Variants in CCBE1 observed in about 807,000 individuals in gnomAD.
CCBE1 encodes the protein collagen and calcium-binding EGF domain-containing protein 1.
Under a neutral mutation model 50.0 loss-of-function variants are expected in CCBE1, and 37 were observed. That is an observed-to-expected ratio of 0.74 (90% CI 0.57 to 0.97). The LOEUF is 0.97. Among genes scored for constraint, CCBE1 ranks in the 50% least tolerant of loss-of-function variants. CCBE1 has a pLI of 0.00. For synonymous variants in CCBE1, 234 were observed against 203.7 expected (o/e 1.15, Z -1.27); for missense variants, 538 against 523.8 (o/e 1.03, Z -0.26).
intron 2 of CCBE1, among the ~76,000 whole-genome samples, chr18:59,551,520 C>T (rs1915929746): frequency 6.6e-6 from 1 of 152,190 alleles, no homozygotes; most frequent in African/African-American, 2.4e-5. Context: ...TATATCATCA[C>T]TAGCTTGATA....
intron 2 of CCBE1, among the ~76,000 whole-genome samples, chr18:59,674,784 T>C (rs948497636): frequency 6.6e-6 from 1 of 152,210 alleles, no homozygotes; most frequent in African/African-American, 2.4e-5. Flanking sequence ...TCTTGTGTAA[T>C]CCACAACTTT....
At chr18:59,592,177 T>TC (rs756035862) in intron 2 of CCBE1, among the ~76,000 whole-genome samples, 4 of 152,168 alleles carry the variant, frequency 2.6e-5, no homozygotes, top group Admixed American at 6.5e-5. Context: ...TGAGCTATTA[T>TC]CCTGCCTGTG....
intron 2 of CCBE1, among the ~76,000 whole-genome samples, chr18:59,649,246 G>T (rs1011150475): frequency 6.6e-6 from 1 of 152,158 alleles, no homozygotes; most frequent in Non-Finnish European, 1.5e-5. Context: ...TCTGGTTGTT[G>T]TACCTCTGGG....
intron 2 of CCBE1, among the ~76,000 whole-genome samples, chr18:59,655,757 G>A (rs749093996): frequency 6.6e-6 from 1 of 152,156 alleles, no homozygotes; most frequent in East Asian, 1.9e-4. Flanking sequence ...GCTACGGAGG[G>A]CCCACTGACA....
chr18:59,592,915 A>T (rs1488117754), intron 2 of CCBE1, among the ~76,000 whole-genome samples: 2 of 151,666 alleles, frequency 1.3e-5, no homozygotes, highest in African/African-American at 2.4e-5. Context: ...TTTAAAAATA[A>T]AAAAAAAGGA....
At chr18:59,441,920 G>C (rs543206639) in intron 7 of CCBE1, among the ~76,000 whole-genome samples, 10 of 152,250 alleles carry the variant, frequency 6.6e-5, no homozygotes, top group African/African-American at 2.4e-4. Flanking sequence ...CCCTACAGTG[G>C]CTCCCCTCTG....
chr18:59,523,922 T>G (rs1008578289), intron 2 of CCBE1, among the ~76,000 whole-genome samples: 1 of 152,226 alleles, frequency 6.6e-6, no homozygotes, highest in Non-Finnish European at 1.5e-5. Context: ...ATGTATTTGA[T>G]TTAAAGAAAT....
In CCBE1 at chr18:59,439,683, G is replaced by T; in HGVS notation, c.909C>A (p.Gly303=). Residue 303 remains glycine (G), a synonymous_variant, in exon 8 of 11, where the codon GGC becomes GGA. Transcript: ENST00000439986. ...DLSHIKQGRR[G]PVGPPGAPGR... ...TCTCTGATAAGATACTGACCACAGG[G>T]CCCCTCCGGCCTTGCTTAATGTGGG... is the stretch of plus-strand genomic sequence containing the variant. 1 of 1,614,216 alleles carries T rather than the reference G, an allele frequency of 6.2e-7. No individual in the cohort carries two copies. Among genetic ancestry groups the T allele is most frequent in the Non-Finnish European group, 8.5e-7 (1 of 1,180,038 alleles).
chr18:59,635,652 G>T (rs2053906304), intron 2 of CCBE1, among the ~76,000 whole-genome samples: 1 of 151,896 alleles, frequency 6.6e-6, no homozygotes, highest in Non-Finnish European at 1.5e-5. Flanking sequence ...ACATGAAGGT[G>T]ATTGTTCACC....
intron 4 of CCBE1, 60 bp from the exon 5 acceptor site, chr18:59,466,951 G>A: frequency 6.9e-7 from 1 of 1,439,016 alleles, no homozygotes; most frequent in Non-Finnish European, 9.7e-7. Context: ...TAATACAACA[G>A]ATGACATTGG....
At chr18:59,565,354 T>C (rs531708345) in intron 2 of CCBE1, among the ~76,000 whole-genome samples, 116 of 101,814 alleles carry the variant, frequency 1.1e-3, no homozygotes, top group Non-Finnish European at 1.7e-3. Context: ...TGGCCCTCAA[T>C]GAAGAGCATC....
At chr18:59,696,413 C>G in intron 2 of CCBE1, 1 of 1,261,066 alleles carries the variant, frequency 7.9e-7, no homozygotes, top group Non-Finnish European at 1.1e-6. Context: ...GATCTCAGGG[C>G]ACACACCCTA....
At chr18:59,458,354 A>C (rs1008889678) in intron 5 of CCBE1, among the ~76,000 whole-genome samples, 2 of 152,132 alleles carry the variant, frequency 1.3e-5, no homozygotes, top group Admixed American at 1.3e-4. Flanking sequence ...TTTTCAATTC[A>C]CCTTTAAGAA....
chr18:59,577,286 G>T (rs1286597503), intron 2 of CCBE1, among the ~76,000 whole-genome samples: 1 of 152,218 alleles, frequency 6.6e-6, no homozygotes, highest in Non-Finnish European at 1.5e-5. Context: ...CTCAGAGGCT[G>T]CTCTAGGTCT....
intron 2 of CCBE1, among the ~76,000 whole-genome samples, chr18:59,694,026 CA>C (rs2054772674): frequency 6.6e-6 from 1 of 151,890 alleles, no homozygotes; most frequent in Non-Finnish European, 1.5e-5. Flanking sequence ...TGTGTGCCAC[CA>C]CACCATGCTA....
At position 59,450,382 on chromosome 18, in the gene CCBE1, G is replaced by A. The variant is rs935204471; in HGVS notation, c.655-2279C>T. 1.6e-4 allele frequency among the ~76,000 whole-genome samples: 24 copies of A among 152,072 alleles called. 1 individual carries two copies. The highest frequency in any genetic ancestry group is 4.6e-4 in the African/African-American group (19 of 41,400). On this transcript the variant is annotated intron_variant, in intron 6 of 10. Coordinates refer to ENST00000439986, the MANE Select transcript of CCBE1 (RefSeq NM_133459.4). Reference sequence around the variant, plus strand: ...TTAGGCAGTAGGTATTAATGTTGTCGTTTTTTAAAAGTAGAACTGAGGCAC... The same window carrying A: ...TTAGGCAGTAGGTATTAATGTTGTCATTTTTTAAAAGTAGAACTGAGGCAC...
chr18:59,609,830 C>T (rs1392549870), intron 2 of CCBE1, among the ~76,000 whole-genome samples: 1 of 152,172 alleles, frequency 6.6e-6, no homozygotes, highest in African/African-American at 2.4e-5. Flanking sequence ...CAAGTAATGA[C>T]CCAGTTATTT....
At chr18:59,643,193 T>G (rs1197707265) in intron 2 of CCBE1, among the ~76,000 whole-genome samples, 1 of 152,112 alleles carries the variant, frequency 6.6e-6, no homozygotes, top group Non-Finnish European at 1.5e-5. Context: ...AATTGCACGT[T>G]TCATGTTATT....
chr18:59,521,403 T>C (rs188686640), intron 2 of CCBE1, among the ~76,000 whole-genome samples: 25 of 152,368 alleles, frequency 1.6e-4, no homozygotes, highest in Admixed American at 1.5e-3. Flanking sequence ...TGATTCTGGA[T>C]TGAACACATT....
Sources: gnomAD v4.1 joint callset for allele counts (sites outside exome capture counted in the v4.1 genomes callset) on GRCh38, gnomAD v4.1.1 for gene constraint, MANE v1.5 for transcripts, NCBI Gene and HGNC (gene_info 2026-07-23, HGNC 2026-07-21) for gene names.